Variants in MRPS27 observed in about 807,000 individuals in gnomAD.
MRPS27 encodes mitochondrial ribosomal protein S27, also known as small ribosomal subunit protein mS27.
A neutral mutation model predicts 48.9 loss-of-function variants in MRPS27; 43 were observed. That is an observed-to-expected ratio of 0.88 (90% CI 0.69 to 1.13). The LOEUF is 1.13. Ranked by LOEUF, MRPS27 falls within the 50% of genes most tolerant of loss-of-function variation. MRPS27 has a pLI of 0.00. For missense variants in MRPS27, 467 were observed against 476.3 expected (o/e 0.98, Z 0.18); for synonymous variants, 188 against 171.9 (o/e 1.09, Z -0.73).
At chr5:72,251,802 G>C (rs902754176) in intron 4 of MRPS27, among the ~76,000 whole-genome samples, 1 of 152,172 alleles carries the variant, frequency 6.6e-6, no homozygotes, top group African/African-American at 2.4e-5. Context: ...CCAAGGCTGG[G>C]AAATAAAGGA....
chr5:72,236,611 G>A (rs1039148914), intron 5 of MRPS27, among the ~76,000 whole-genome samples: 3 of 152,068 alleles, frequency 2.0e-5, no homozygotes, highest in Non-Finnish European at 4.4e-5. Context: ...TGAGATTCAA[G>A]GCTGTCATCT....
At chr5:72,221,750 T>C (rs956023060) in intron 10 of MRPS27, among the ~76,000 whole-genome samples, 8 of 152,226 alleles carry the variant, frequency 5.3e-5, no homozygotes, top group Admixed American at 5.2e-4. Context: ...CTCCCCTGAG[T>C]GCCTGCACCG....
chr5:72,245,896 T>C (rs1748500187), intron 4 of MRPS27, among the ~76,000 whole-genome samples: 1 of 152,222 alleles, frequency 6.6e-6, no homozygotes, highest in Admixed American at 6.5e-5. Context: ...CTCAGTATTT[T>C]AAACATTCTG....
chr5:72,290,462 A>C (rs1387829552), intron 4 of MRPS27, among the ~76,000 whole-genome samples: 1 of 152,176 alleles, frequency 6.6e-6, no homozygotes, highest in Non-Finnish European at 1.5e-5. Flanking sequence ...CCTTGCACTG[A>C]GACAGCACTG....
At chr5:72,252,790 A>T (rs1748702276) in intron 4 of MRPS27, among the ~76,000 whole-genome samples, 1 of 152,124 alleles carries the variant, frequency 6.6e-6, no homozygotes, top group African/African-American at 2.4e-5. Flanking sequence ...CTTTCACCTC[A>T]TGTCTTTGCC....
At chr5:72,235,213 C>T (rs1269103319) in intron 5 of MRPS27, among the ~76,000 whole-genome samples, 2 of 152,080 alleles carry the variant, frequency 1.3e-5, no homozygotes, top group Non-Finnish European at 2.9e-5. Context: ...TCATCCAAAT[C>T]AGTATTAATC....
At chr5:72,290,763 CTG>C (rs1259573701) in intron 4 of MRPS27, among the ~76,000 whole-genome samples, 2 of 152,134 alleles carry the variant, frequency 1.3e-5, no homozygotes, top group Admixed American at 6.5e-5. Context: ...TTTTGCCTAA[CTG>C]TTTTTAAAAT....
intron 4 of MRPS27, among the ~76,000 whole-genome samples, chr5:72,239,800 C>T (rs1748302291): frequency 6.6e-6 from 1 of 152,138 alleles, no homozygotes; most frequent in South Asian, 2.1e-4. Context: ...CCTCCTAAGC[C>T]TCTCGAGTAG....
At chr5:72,318,321 T>A (rs944836155) in intron 1 of MRPS27, among the ~76,000 whole-genome samples, 10 of 152,272 alleles carry the variant, frequency 6.6e-5, no homozygotes, top group African/African-American at 2.2e-4. Context: ...AATGCTCGGA[T>A]AAGGAAGCCA....
At position 72,221,040 on chromosome 5, in the gene MRPS27, T is replaced by A. The variant is rs771679386; in HGVS notation, c.1114A>T (p.Ile372Phe). ...TGCAGATTCTGCTCATAGGTGGCGA[T>A]GTCCTCTGCTTCACAGGTGGAGAGT... ...EKLSTCEAEDIATYEQNLQQW... is the reference protein window; with the variant it reads ...EKLSTCEAEDFATYEQNLQQW... Residue 372 changes from isoleucine to phenylalanine, a missense_variant, in exon 11 of 11, where the codon ATC (isoleucine) becomes TTC (phenylalanine). Coordinates refer to ENST00000261413, the MANE Select transcript of MRPS27 (RefSeq NM_015084.3). The A allele has an allele frequency of 1.9e-6, 3 of 1,614,218 alleles. No individual in the cohort carries two copies. Among genetic ancestry groups the A allele is most frequent in the Non-Finnish European group, 2.5e-6 (3 of 1,180,030 alleles).
chr5:72,317,760 T>C (rs1180433765), intron 1 of MRPS27, among the ~76,000 whole-genome samples: 1 of 152,194 alleles, frequency 6.6e-6, no homozygotes, highest in Non-Finnish European at 1.5e-5. Context: ...TGATCTTGGC[T>C]CACTGCAACC....
chr5:72,275,836 G>A (rs1056225139), intron 4 of MRPS27, among the ~76,000 whole-genome samples: 3 of 151,684 alleles, frequency 2.0e-5, no homozygotes, highest in Non-Finnish European at 2.9e-5. Flanking sequence ...TTTTTTTTTA[G>A]ATAGGGTGGG....
chr5:72,277,267 A>G (rs1749402018), intron 4 of MRPS27, among the ~76,000 whole-genome samples: 3 of 152,172 alleles, frequency 2.0e-5, no homozygotes, highest in African/African-American at 7.2e-5. Flanking sequence ...TGTTGATGGG[A>G]ATATAAATTA....
intron 2 of MRPS27, among the ~76,000 whole-genome samples, chr5:72,308,190 C>G (rs1750330185): frequency 6.6e-6 from 1 of 152,222 alleles, no homozygotes; most frequent in Non-Finnish European, 1.5e-5. Flanking sequence ...CCCCGAGGAG[C>G]TCTCTGGCAC....
At chr5:72,234,042 G>T in intron 6 of MRPS27, 77 bp downstream of exon 6, 1 of 1,331,902 alleles carries the variant, frequency 7.5e-7, no homozygotes, top group South Asian at 2.0e-5. Context: ...ATAAAAAAGG[G>T]GAAGTTCCTA....
chr5:72,262,332 C>T (rs1415525925), intron 4 of MRPS27, among the ~76,000 whole-genome samples: 1 of 152,074 alleles, frequency 6.6e-6, no homozygotes, highest in African/African-American at 2.4e-5. Flanking sequence ...GCTGCTGCTG[C>T]TATTATTTCT....
Position 72,310,483 on chromosome 5 carries a change from T to C in MRPS27, c.151+3598A>G, listed in dbSNP as rs145058313. On this transcript the variant is annotated intron_variant, in intron 2 of 10. Transcript: ENST00000261413. ...TGGGATATTTAGACCACCAAAATAA[T>C]TGAGAAGGGTAATGAATCATTTAAA... Among the ~76,000 whole-genome samples the C allele has an allele frequency of 2.6e-5, 4 of 152,182 alleles. No individual in the cohort carries two copies. In the East Asian group the frequency reaches 7.7e-4, roughly 29 times the overall value.
At chr5:72,291,651 T>C (rs899052908) in intron 4 of MRPS27, among the ~76,000 whole-genome samples, 6 of 152,262 alleles carry the variant, frequency 3.9e-5, no homozygotes, top group Non-Finnish European at 8.8e-5. Context: ...AAAGAAATGC[T>C]AAATATTATT....
intron 4 of MRPS27, among the ~76,000 whole-genome samples, chr5:72,278,707 TATC>T (rs1749451137): frequency 6.6e-6 from 1 of 152,206 alleles, no homozygotes; most frequent in Non-Finnish European, 1.5e-5. Flanking sequence ...ACATAAATGG[TATC>T]ATATTATATG....
Sources: allele counts gnomAD v4.1 joint callset (sites outside exome capture counted in the v4.1 genomes callset), GRCh38; gene constraint gnomAD v4.1.1; transcripts MANE v1.5; gene names NCBI Gene and HGNC (gene_info 2026-07-23, HGNC 2026-07-21).